The following FLT3 variants were observed in gnomAD, a reference collection of about 807,000 sequenced individuals.
The protein encoded by FLT3 is receptor-type tyrosine-protein kinase FLT3.
In FLT3, 46 loss-of-function variants were observed where a neutral mutation model predicts 126.6. The observed-to-expected ratio is 0.36, with a 90% CI of 0.29 to 0.46. The LOEUF is 0.46. Among genes scored for constraint, FLT3 ranks in the 20% least tolerant of loss-of-function variants. The probability of loss-of-function intolerance (pLI) is 1.00; values close to 1 mark genes in which losing one functional copy is unlikely to be tolerated. For synonymous variants in FLT3, 404 were observed against 434.4 expected (o/e 0.93, Z 0.87); for missense variants, 1,069 against 1,190.3 (o/e 0.90, Z 1.50).
chr13:28,028,764 T>TTG (rs1873044463), intron 15 of FLT3, among the ~76,000 whole-genome samples: 1 of 2,602 alleles, frequency 3.8e-4, no homozygotes, highest in Non-Finnish European at 0.028. Context: ...CTCCTTTTTC[T>TTG]TTTTTTTTTT....
intron 1 of FLT3, among the ~76,000 whole-genome samples, chr13:28,093,099 A>T (rs1879227856): frequency 6.6e-6 from 1 of 151,088 alleles, no homozygotes; most frequent in Non-Finnish European, 1.5e-5. Flanking sequence ...CTTTTTTTGT[A>T]TTTTTTTATA....
intron 15 of FLT3, among the ~76,000 whole-genome samples, chr13:28,031,551 A>C (rs1425125383): frequency 6.6e-6 from 1 of 152,192 alleles, no homozygotes; most frequent in African/African-American, 2.4e-5. Context: ...AAGGTGATGG[A>C]TTCTACGGGG....
At chr13:28,006,000 T>C (rs1016527986) in intron 23 of FLT3, among the ~76,000 whole-genome samples, 8 of 152,182 alleles carry the variant, frequency 5.3e-5, no homozygotes, top group African/African-American at 1.9e-4. Context: ...GGCTCAACTC[T>C]GTAATCCTAG....
chr13:28,071,052 TG>T (rs1334781685), intron 1 of FLT3, among the ~76,000 whole-genome samples: 2 of 138,378 alleles, frequency 1.4e-5, no homozygotes, highest in Non-Finnish European at 3.0e-5. Context: ...TGGAGTGCAG[TG>T]GCGCGTTCTT....
In FLT3 at chr13:28,049,624, T is replaced by C. The variant is rs1239104048; in HGVS notation, c.882+11A>G. The C allele has an allele frequency of 6.2e-7, 1 of 1,613,910 alleles. No homozygotes were observed. Among genetic ancestry groups the C allele is most frequent in the East Asian group, 2.2e-5 (1 of 44,896 alleles). Reference sequence around the variant, plus strand: ...TTCCTGCATTTTCAGAATACAAACTTGTCCTATTACCTCCTCGAGTGCTTT... The same window carrying C: ...TTCCTGCATTTTCAGAATACAAACTCGTCCTATTACCTCCTCGAGTGCTTT... On this transcript the variant is annotated intron_variant, in intron 7 of 23. Coordinates refer to ENST00000241453, the MANE Select transcript of FLT3 (RefSeq NM_004119.3).
At position 28,028,220 on chromosome 13, in the gene FLT3, G is replaced by A. The variant is rs1423397744; in HGVS notation, c.2011C>T (p.His671Tyr). The change falls in exon 16 of 24, where the codon CAC (histidine) becomes TAC (tyrosine). Residue 671 changes from histidine to tyrosine, a missense_variant. His to Tyr is a moderately conservative substitution (Grantham distance 83). Transcript: ENST00000241453. ...CCCAGCAGGTTCACAATATTCTCGTGGCTTCCCAGCTGGGTCATCATCTTG... is the reference window on the plus strand; with the variant it reads ...CCCAGCAGGTTCACAATATTCTCGTAGCTTCCCAGCTGGGTCATCATCTTG... ...ELKMMTQLGS[H>Y]ENIVNLLGAC... 6 of 1,611,664 alleles carry A rather than the reference G, an allele frequency of 3.7e-6. No homozygotes were observed. The highest frequency in any genetic ancestry group is 5.1e-6 in the Non-Finnish European group (6 of 1,177,902).
At chr13:28,020,930 G>C (rs139174852) in intron 19 of FLT3, among the ~76,000 whole-genome samples, 1 of 152,234 alleles carries the variant, frequency 6.6e-6, no homozygotes, top group East Asian at 1.9e-4. Flanking sequence ...AAGGATAGAA[G>C]GCCTAAGAAA....
At position 28,052,606 on chromosome 13, in the gene FLT3, T is replaced by C. The variant is rs761909645; in HGVS notation, c.553A>G (p.Ile185Val). ...KMENQDALVC[I>V]SESVPEPIVE... Reference sequence around the variant, plus strand: ...ATCGGCTCTGGAACGCTCTCAGATATGCAGACCAGGGCGTCCTGGTTTTCC... The same window carrying C: ...ATCGGCTCTGGAACGCTCTCAGATACGCAGACCAGGGCGTCCTGGTTTTCC... The change falls in exon 5 of 24, where the codon ATA (isoleucine) becomes GTA (valine). Residue 185 changes from isoleucine to valine, a missense_variant. Physicochemically the swap from Ile to Val is conservative, Grantham distance 29 (BLOSUM62 3). Coordinates refer to ENST00000241453, the MANE Select transcript of FLT3 (RefSeq NM_004119.3). 5 of 1,613,688 alleles carry C rather than the reference T, an allele frequency of 3.1e-6. No individual in the cohort carries two copies. Among genetic ancestry groups the C allele is most frequent in the East Asian group, 2.2e-5 (1 of 44,884 alleles).
chr13:28,036,226 T>C (rs1049584105), intron 10 of FLT3, among the ~76,000 whole-genome samples, 183 bp from the exon 11 acceptor site: 4 of 152,194 alleles, frequency 2.6e-5, no homozygotes, highest in Non-Finnish European at 5.9e-5. Flanking sequence ...TCTTGGAGTA[T>C]GGTACTTTCT....
chr13:28,071,204 A>T (rs55896931), intron 1 of FLT3, among the ~76,000 whole-genome samples: 26,380 of 149,440 alleles, frequency 0.18, 2,395 homozygotes, highest in Middle Eastern at 0.26. Context: ...GAGACGGGGT[A>T]TCGCCACGTT....
chr13:28,067,217 T>G (rs1015273168), intron 2 of FLT3, among the ~76,000 whole-genome samples: 9 of 152,202 alleles, frequency 5.9e-5, no homozygotes, highest in Non-Finnish European at 8.8e-5. Context: ...GAGACGGAAT[T>G]TCTCCATGTT....
At chr13:28,090,040 C>T (rs1010018757) in intron 1 of FLT3, among the ~76,000 whole-genome samples, 5 of 151,674 alleles carry the variant, frequency 3.3e-5, no homozygotes, top group Admixed American at 1.3e-4. Flanking sequence ...TGCGCCCCGC[C>T]GTGAGGGAAC....
At chr13:28,092,786 C>T (rs1593310273) in intron 1 of FLT3, among the ~76,000 whole-genome samples, 1 of 149,922 alleles carries the variant, frequency 6.7e-6, no homozygotes, top group African/African-American at 2.5e-5. Flanking sequence ...TTTCTTGAGT[C>T]ACAAATCCCT....
chr13:28,007,480 C>T (rs537474061), intron 23 of FLT3, among the ~76,000 whole-genome samples: 2 of 152,230 alleles, frequency 1.3e-5, no homozygotes, highest in East Asian at 1.9e-4. Flanking sequence ...CCTCTGAGCC[C>T]AAGTGATCCT....
chr13:28,026,496 C>A (rs1028279681), intron 17 of FLT3, among the ~76,000 whole-genome samples: 1 of 152,062 alleles, frequency 6.6e-6, no homozygotes, highest in Non-Finnish European at 1.5e-5. Flanking sequence ...AGGAGGAGAT[C>A]CAGCAAACTC....
intron 9 of FLT3, among the ~76,000 whole-genome samples, chr13:28,045,279 G>A (rs1874751194): frequency 6.6e-6 from 1 of 152,188 alleles, no homozygotes; most frequent in South Asian, 2.1e-4. Context: ...CATTCTTGCG[G>A]GAGAGGGAAA....
intron 3 of FLT3, among the ~76,000 whole-genome samples, chr13:28,060,240 C>CAAAAAAAAAA (rs71086821): frequency 1.4e-4 from 16 of 112,962 alleles, no homozygotes; most frequent in East Asian, 2.4e-4. Flanking sequence ...ACTAAAAATA[C>CAAAAAAAAAA]AAAAAAAAAA....
intron 20 of FLT3, among the ~76,000 whole-genome samples, chr13:28,017,435 T>C (rs777928551): frequency 3.9e-5 from 6 of 151,980 alleles, no homozygotes; most frequent in Admixed American, 1.3e-4. Context: ...CCATGTTCCA[T>C]AGGCTGGTCT....
At chr13:28,006,189 T>C (rs1356013202) in intron 23 of FLT3, among the ~76,000 whole-genome samples, 2 of 152,196 alleles carry the variant, frequency 1.3e-5, no homozygotes, top group Non-Finnish European at 2.9e-5. Flanking sequence ...TTAAATTTTA[T>C]AGATTTGTTC....
Sources: allele counts gnomAD v4.1 joint callset (sites outside exome capture counted in the v4.1 genomes callset), GRCh38; gene constraint gnomAD v4.1.1; transcripts MANE v1.5; gene names NCBI Gene and HGNC (gene_info 2026-07-23, HGNC 2026-07-21).